Variants in ARAP2 observed in about 807,000 individuals in gnomAD.
The protein encoded by ARAP2 is arf-GAP with Rho-GAP domain, ANK repeat and PH domain-containing protein 2.
ARAP2 carries 148 observed loss-of-function variants against 194.5 expected under a neutral mutation model. That is an observed-to-expected ratio of 0.76 (90% CI 0.67 to 0.87). The LOEUF (loss-of-function observed/expected upper bound fraction) is 0.87, where lower values mean the gene tolerates loss of function less well. ARAP2 is among the 40% of genes least tolerant of loss of function. The pLI is 0.00. For missense variants in ARAP2, 2,128 were observed against 1,989.7 expected, an observed-to-expected ratio of 1.07 and a Z score of -1.32; for synonymous variants, 695 against 683.5, an observed-to-expected ratio of 1.02 and a Z score of -0.26.
chr4:36,132,813 T>C (rs949503957), intron 20 of ARAP2, among the ~76,000 whole-genome samples: 7 of 151,824 alleles, frequency 4.6e-5, no homozygotes, highest in African/African-American at 1.4e-4. Flanking sequence ...ATTTGACATA[T>C]TGTTCCACAG....
intron 21 of ARAP2, among the ~76,000 whole-genome samples, chr4:36,126,477 G>A (rs1240840312): frequency 6.6e-6 from 1 of 151,956 alleles, no homozygotes; most frequent in Non-Finnish European, 1.5e-5. Flanking sequence ...TAGAAGAACA[G>A]ATCATATGTC....
intron 6 of ARAP2, among the ~76,000 whole-genome samples, chr4:36,204,687 C>T (rs1745136587): frequency 6.6e-6 from 1 of 152,036 alleles, no homozygotes; most frequent in South Asian, 2.1e-4. Context: ...AATGAGTACA[C>T]ATATTAAAAA....
At chr4:36,037,659 C>T (rs956360476) in intron 5 of ARAP2, among the ~76,000 whole-genome samples, 1 of 152,196 alleles carries the variant, frequency 6.6e-6, no homozygotes, top group Admixed American at 6.5e-5. Context: ...TTCCCTAGAA[C>T]AGGACTGGAG....
chr4:36,149,301 C>G (rs1333915620), intron 16 of ARAP2, among the ~76,000 whole-genome samples: 1 of 138,138 alleles, frequency 7.2e-6, no homozygotes, highest in Non-Finnish European at 1.6e-5. Flanking sequence ...CCCTTAACAT[C>G]AACTCTTGTC....
Position 36,068,226 on chromosome 4 carries a change from T to C in ARAP2, c.4796A>G (p.Glu1599Gly), listed in dbSNP as rs202134005. 1.2e-6 allele frequency: 2 copies of C among 1,601,580 alleles called. No individual in the cohort carries two copies. The highest frequency in any genetic ancestry group is 1.7e-6 in the Non-Finnish European group (2 of 1,175,096). Residue 1599 changes from glutamate to glycine, a missense_variant, in exon 33 of 33, where the codon GAG (glutamate) becomes GGG (glycine). Physicochemically the swap from Glu to Gly is moderately conservative, Grantham distance 98. Coordinates refer to ENST00000303965, the MANE Select transcript of ARAP2 (RefSeq NM_015230.4). Reference protein sequence around the residue: ...RLRLSEKCDKESVDSSLKERA... With the variant: ...RLRLSEKCDKGSVDSSLKERA... ...CTCCTTTAAGCTAGAGTCCACGGAC[T>C]CTTTATCACACTTTTCACTGAGCCG...
At chr4:36,158,622 T>A (rs183744839) in intron 15 of ARAP2, 108 bp downstream of exon 15, 60 of 926,156 alleles carry the variant, frequency 6.5e-5, no homozygotes, top group Non-Finnish European at 5.8e-5. Context: ...ATATCTCTAC[T>A]TGGAGATCAA....
At chr4:36,128,880 G>A in intron 20 of ARAP2, 135 bp from the exon 21 acceptor site, 2 of 710,698 alleles carry the variant, frequency 2.8e-6, no homozygotes, top group Non-Finnish European at 2.3e-6. Flanking sequence ...ATATAAACAT[G>A]CATGAGCAGG....
intron 30 of ARAP2, among the ~76,000 whole-genome samples, chr4:36,081,137 C>G (rs1339471269): frequency 6.6e-6 from 1 of 152,120 alleles, no homozygotes; most frequent in Non-Finnish European, 1.5e-5. Context: ...CATTGTCTTT[C>G]CCTATTACCA....
chr4:36,018,418 G>A (rs945098533), intron 6 of ARAP2, among the ~76,000 whole-genome samples: 13 of 140,658 alleles, frequency 9.2e-5, no homozygotes, highest in Non-Finnish European at 2.0e-4. Flanking sequence ...ATACTTCACA[G>A]AATATGAGAG....
At chr4:36,042,401 A>G (rs1721019332) in intron 5 of ARAP2, among the ~76,000 whole-genome samples, 1 of 152,192 alleles carries the variant, frequency 6.6e-6, no homozygotes, top group South Asian at 2.1e-4. Context: ...AGATCATTAA[A>G]ATTTTAATTT....
intron 8 of ARAP2, among the ~76,000 whole-genome samples, chr4:36,185,477 G>T (rs4470654): frequency 0.91 from 138,792 of 152,126 alleles, 63,361 homozygotes; most frequent in East Asian, 1. Context: ...TGTGAAGGCC[G>T]GCTGGAATGT....
intron 29 of ARAP2, 23 bp from the exon 30 acceptor site, chr4:36,082,309 C>G (rs754127231): frequency 1.3e-6 from 2 of 1,574,264 alleles, no homozygotes; most frequent in African/African-American, 1.4e-5. Flanking sequence ...GAAAAAAAAA[C>G]ACACATAAAT....
At chr4:36,111,306 A>T (rs1354201733) in intron 26 of ARAP2, among the ~76,000 whole-genome samples, 1 of 151,814 alleles carries the variant, frequency 6.6e-6, no homozygotes, top group Non-Finnish European at 1.5e-5. Flanking sequence ...TCTTCTCTGC[A>T]TGTTACTAGA....
chr4:36,113,757 T>C (rs775339121), intron 26 of ARAP2, among the ~76,000 whole-genome samples: 22 of 151,732 alleles, frequency 1.4e-4, no homozygotes, highest in African/African-American at 4.4e-4. Context: ...TCACTAAAGA[T>C]AGAAAAAAGA....
chr4:36,024,934 T>A (rs576437678), intron 5 of ARAP2, among the ~76,000 whole-genome samples: 1 of 152,308 alleles, frequency 6.6e-6, no homozygotes, highest in East Asian at 1.9e-4. Context: ...GCAAAAGACA[T>A]CTTCCTGTCA....
intron 19 of ARAP2, among the ~76,000 whole-genome samples, chr4:36,134,039 G>A (rs1230086897): frequency 6.6e-6 from 1 of 151,746 alleles, no homozygotes; most frequent in African/African-American, 2.4e-5. Flanking sequence ...CTGAGAGTGG[G>A]AATGACAATC....
At position 36,214,424 on chromosome 4, in the gene ARAP2, T is replaced by G. The variant is rs764435359; in HGVS notation, c.962A>C (p.Gln321Pro). ...ATSTEKSVAWQNSNEENSSSI... is the reference protein window; with the variant it reads ...ATSTEKSVAWPNSNEENSSSI... ...AGACATTAAACACATAGACTCACTTTGCCATGCCACAGATTTTTCAGTTGA... is the reference window on the plus strand; with the variant it reads ...AGACATTAAACACATAGACTCACTTGGCCATGCCACAGATTTTTCAGTTGA... The change falls in exon 3 of 33, where the codon CAA becomes CCA. Residue 321 changes from glutamine to proline, a missense_variant and splice_region_variant. Physicochemically the swap from Gln to Pro is moderately conservative, Grantham distance 76 (BLOSUM62 -1). Transcript: ENST00000303965. 2.5e-6 allele frequency: 4 copies of G among 1,596,056 alleles called. No homozygotes were observed. The highest frequency in any genetic ancestry group is 3.4e-6 in the Non-Finnish European group (4 of 1,169,138).
chr4:36,109,803 G>T (rs1467915822), intron 26 of ARAP2, among the ~76,000 whole-genome samples: 1 of 151,544 alleles, frequency 6.6e-6, no homozygotes, highest in Non-Finnish European at 1.5e-5. Flanking sequence ...ATGTTGGTGT[G>T]CTGCACCCAT....
chr4:36,058,821 A>G (rs1003606620), intron 1 of ARAP2, among the ~76,000 whole-genome samples: 4 of 152,078 alleles, frequency 2.6e-5, no homozygotes, highest in African/African-American at 9.7e-5. Context: ...ATACTAATAA[A>G]TATGTCAATT....
Sources: allele counts gnomAD v4.1 joint callset (sites outside exome capture counted in the v4.1 genomes callset), GRCh38; gene constraint gnomAD v4.1.1; transcripts MANE v1.5; gene names NCBI Gene and HGNC (gene_info 2026-07-23, HGNC 2026-07-21).